The following RBFOX1 variants were observed in gnomAD, a reference collection of about 807,000 sequenced individuals.
The protein encoded by RBFOX1 is RNA binding fox-1 homolog 1.
In RBFOX1, 8 loss-of-function variants were observed where a neutral mutation model predicts 57.7. That is an observed-to-expected ratio of 0.14 (90% CI 0.08 to 0.25). The LOEUF is 0.25. RBFOX1 is among the 10% of genes least tolerant of loss of function. The pLI, the probability that RBFOX1 is intolerant of heterozygous loss-of-function variation, is 1.00. For missense variants in RBFOX1, 611 were observed against 548.5 expected (o/e 1.11, Z -1.14); for synonymous variants, 326 against 222.4 (o/e 1.47, Z -4.15).
At chr16:5,853,865 C>T (rs77337353) in intron 3 of RBFOX1, among the ~76,000 whole-genome samples, 5,768 of 152,254 alleles carry the variant, frequency 0.038, 153 homozygotes, top group East Asian at 0.11. Context: ...AAGCAATTGT[C>T]CCCCTCCACC....
At chr16:5,664,230 A>G (rs948117958) in intron 3 of RBFOX1, among the ~76,000 whole-genome samples, 8 of 152,228 alleles carry the variant, frequency 5.3e-5, no homozygotes, top group African/African-American at 1.4e-4. Context: ...CAAGCTGTGC[A>G]ACGGAGTCAG....
intron 3 of RBFOX1, among the ~76,000 whole-genome samples, chr16:5,793,564 C>T (rs1279377641): frequency 6.6e-6 from 1 of 152,168 alleles, no homozygotes; most frequent in Non-Finnish European, 1.5e-5. Flanking sequence ...GGGCGTCCCT[C>T]CCTCTTCAGC....
chr16:7,350,301 CAA>C (rs2097104776), intron 4 of RBFOX1, among the ~76,000 whole-genome samples: 1 of 151,902 alleles, frequency 6.6e-6, no homozygotes, highest in African/African-American at 2.4e-5. Context: ...AGGAAAAAAG[CAA>C]AAGTCCTGAG....
rs141248809 is a variant in RBFOX1 at position 5,684,380 on chromosome 16, C to G, written c.318+85419C>G. On this transcript the variant is annotated intron_variant, in intron 3 of 19. Transcript: ENST00000641259. The stretch of plus-strand genomic sequence containing the variant: ...AATTCAAAGGTCATGAGATGGATGT[C>G]TCTGCTTCACCAGACATGACCTAGT... 6.0e-3 allele frequency among the ~76,000 whole-genome samples: 909 copies of G among 152,242 alleles called. 9 individuals carry two copies. The highest frequency in any genetic ancestry group is 0.021 in the African/African-American group (879 of 41,526).
intron 4 of RBFOX1, among the ~76,000 whole-genome samples, chr16:7,076,142 A>C (rs1050827202): frequency 6.6e-6 from 1 of 151,380 alleles, no homozygotes; most frequent in African/African-American, 2.4e-5. Flanking sequence ...CCCGGGTTCA[A>C]GTGATTCCCC....
At chr16:7,070,743 C>G (rs915249249) in intron 4 of RBFOX1, among the ~76,000 whole-genome samples, 1 of 152,098 alleles carries the variant, frequency 6.6e-6, no homozygotes, top group Admixed American at 6.6e-5. Flanking sequence ...TGAATGTTTC[C>G]CAAAACTGGC....
chr16:6,746,938 C>G (rs1331706824), intron 3 of RBFOX1, among the ~76,000 whole-genome samples: 1 of 152,086 alleles, frequency 6.6e-6, no homozygotes, highest in Non-Finnish European at 1.5e-5. Flanking sequence ...CAGCAGGTGT[C>G]TCACTTGGGC....
At chr16:5,339,470 G>GTGTTTTTTT (rs2064982294) in intron 1 of RBFOX1, among the ~76,000 whole-genome samples, 2 of 40,854 alleles carry the variant, frequency 4.9e-5, no homozygotes, top group Non-Finnish European at 9.0e-5. Flanking sequence ...CTTTTTCCGT[G>GTGTTTTTTT]TTTTTTTTTT....
At chr16:5,641,060 CCATGCACACCATACACACACACA>C (rs1448165206) in intron 3 of RBFOX1, among the ~76,000 whole-genome samples, 2 of 146,512 alleles carry the variant, frequency 1.4e-5, no homozygotes, top group Non-Finnish European at 3.0e-5. Flanking sequence ...GCACATACAC[CCATGCACACCATACACACACACA>C]CATGCACACC....
intron 3 of RBFOX1, among the ~76,000 whole-genome samples, chr16:6,960,855 C>G (rs147151178): frequency 1.1e-4 from 17 of 151,586 alleles, no homozygotes; most frequent in South Asian, 2.1e-4. Context: ...GCCTCAGGTC[C>G]GGGTGCAGTG....
intron 4 of RBFOX1, among the ~76,000 whole-genome samples, chr16:7,333,742 A>T (rs890112419): frequency 1.1e-4 from 16 of 149,062 alleles, no homozygotes; most frequent in African/African-American, 3.6e-4. Flanking sequence ...AGAGAGGATT[A>T]ATCTACCAAT....
At chr16:7,594,101 T>C (rs1269068655) in intron 7 of RBFOX1, among the ~76,000 whole-genome samples, 1 of 152,072 alleles carries the variant, frequency 6.6e-6, no homozygotes, top group Admixed American at 6.6e-5. Context: ...CATTAGGTAT[T>C]TCTCCTAACG....
chr16:5,499,355 C>G (rs930327685), intron 2 of RBFOX1, among the ~76,000 whole-genome samples: 3 of 152,166 alleles, frequency 2.0e-5, no homozygotes, highest in Admixed American at 6.5e-5. Context: ...TGGTAGAACT[C>G]TCTCTGTCCA....
intron 4 of RBFOX1, among the ~76,000 whole-genome samples, chr16:5,931,296 C>G (rs1342385547): frequency 6.6e-6 from 1 of 152,164 alleles, no homozygotes; most frequent in Non-Finnish European, 1.5e-5. Flanking sequence ...GGTCATTTAA[C>G]TATTCTCATA....
chr16:6,988,832 C>T (rs1265306696), intron 3 of RBFOX1, among the ~76,000 whole-genome samples: 2 of 150,494 alleles, frequency 1.3e-5, no homozygotes, highest in African/African-American at 4.9e-5. Context: ...AGTGCAATGG[C>T]ATAATCTCGG....
exon 3 of RBFOX1, chr16:5,599,806 G>T (rs563074335): frequency 6.5e-6 from 1 of 153,416 alleles, no homozygotes; most frequent in Non-Finnish European, 1.5e-5. Flanking sequence ...AATGGAAATC[G>T]TAATGTAGGT....
chr16:6,065,330 C>A (rs112682915), intron 1 of RBFOX1, among the ~76,000 whole-genome samples: 1 of 151,950 alleles, frequency 6.6e-6, no homozygotes, highest in Non-Finnish European at 1.5e-5. Context: ...CCACCGCACG[C>A]GGCCCTATGA....
intron 1 of RBFOX1, among the ~76,000 whole-genome samples, chr16:6,141,856 C>G (rs913539611): frequency 6.6e-6 from 1 of 151,882 alleles, no homozygotes; most frequent in African/African-American, 2.4e-5. Context: ...GTCAGGAGTT[C>G]AAGACCAACC....
chr16:5,913,588 G>A (rs533150786), intron 4 of RBFOX1, among the ~76,000 whole-genome samples: 2 of 152,316 alleles, frequency 1.3e-5, no homozygotes, highest in African/African-American at 2.4e-5. Context: ...AGATGCTGGA[G>A]CCATGCTTGT....
Sources: allele counts gnomAD v4.1 joint callset (sites outside exome capture counted in the v4.1 genomes callset), GRCh38; gene constraint gnomAD v4.1.1; transcripts MANE v1.5; gene names NCBI Gene and HGNC (gene_info 2026-07-23, HGNC 2026-07-21).